The following MLLT10 variants were observed in gnomAD, a reference collection of about 807,000 sequenced individuals.
MLLT10 encodes the protein MLLT10 histone lysine methyltransferase DOT1L cofactor, also known as protein AF-10.
MLLT10 carries 30 observed loss-of-function variants against 129.1 expected under a neutral mutation model. That is an observed-to-expected ratio of 0.23 (90% CI 0.17 to 0.32). The LOEUF (loss-of-function observed/expected upper bound fraction) is 0.32, where lower values mean the gene tolerates loss of function less well. Ranked by LOEUF, MLLT10 falls within the 10% of genes least tolerant of loss-of-function variation. MLLT10 has a pLI of 1.00. For missense variants in MLLT10, 1,119 were observed against 1,268.3 expected (o/e 0.88, Z 1.79); for synonymous variants, 490 against 446.4 (o/e 1.10, Z -1.23).
At chr10:21,717,217 C>T (rs575910630) in intron 14 of MLLT10, among the ~76,000 whole-genome samples, 64 of 136,542 alleles carry the variant, frequency 4.7e-4, no homozygotes, top group African/African-American at 1.3e-3. Flanking sequence ...CACGCCATTG[C>T]GCTCCAGCCT....
At chr10:21,657,576 A>AT (rs370418760) in intron 9 of MLLT10, among the ~76,000 whole-genome samples, 25 of 152,246 alleles carry the variant, frequency 1.6e-4, no homozygotes, top group Non-Finnish European at 2.8e-4. Flanking sequence ...ATTACCTTTC[A>AT]TTATTATTAG....
chr10:21,740,276 C>T (rs1473406341), intron 22 of MLLT10, 40 bp downstream of exon 22: 2 of 1,588,900 alleles, frequency 1.3e-6, no homozygotes, highest in Non-Finnish European at 1.7e-6. Flanking sequence ...GAAACAAGAA[C>T]TGTATTGATT....
chr10:21,685,734 G>A (rs955898875), intron 13 of MLLT10, among the ~76,000 whole-genome samples: 4 of 152,130 alleles, frequency 2.6e-5, no homozygotes, highest in Non-Finnish European at 5.9e-5. Flanking sequence ...CTTTAGCAAA[G>A]AACCAAGTTA....
At chr10:21,633,507 C>T (rs572131359) in intron 8 of MLLT10, among the ~76,000 whole-genome samples, 1 of 151,840 alleles carries the variant, frequency 6.6e-6, no homozygotes, top group African/African-American at 2.4e-5. Context: ...GCCTGGGCAA[C>T]ATGGCAAGAA....
At chr10:21,613,170 G>A (rs1183729369) in intron 6 of MLLT10, among the ~76,000 whole-genome samples, 1 of 132,348 alleles carries the variant, frequency 7.6e-6, no homozygotes, top group Non-Finnish European at 1.5e-5. Flanking sequence ...CTCCAGCCTG[G>A]CGACAAACCA....
rs1232894779 is a variant in MLLT10 at position 21,742,023 on chromosome 10, T to C, written c.*40T>C. 1 of 1,596,894 alleles carries C rather than the reference T, an allele frequency of 6.3e-7. No homozygotes were observed. Among genetic ancestry groups the C allele is most frequent in the South Asian group, 1.1e-5 (1 of 89,004 alleles). On this transcript the variant is annotated 3_prime_UTR_variant, in exon 23 of 23. Coordinates refer to ENST00000307729, the MANE Select transcript of MLLT10 (RefSeq NM_001195626.3). Reference sequence around the variant, plus strand: ...CTAGAAATTGCCTATCCTGCTGTTCTAGCACTTCATCTGGCTGCCTTTGCA... The same window carrying C: ...CTAGAAATTGCCTATCCTGCTGTTCCAGCACTTCATCTGGCTGCCTTTGCA...
intron 3 of MLLT10, among the ~76,000 whole-genome samples, chr10:21,561,995 G>A (rs1413787017): frequency 2.0e-5 from 3 of 151,854 alleles, no homozygotes; most frequent in Admixed American, 6.6e-5. Flanking sequence ...TAGTAGAGAC[G>A]GGGTTTCTCC....
At chr10:21,622,440 C>G (rs960692035) in intron 8 of MLLT10, among the ~76,000 whole-genome samples, 3 of 151,734 alleles carry the variant, frequency 2.0e-5, no homozygotes, top group Admixed American at 6.6e-5. Context: ...GCTGGGATTA[C>G]AGGCGTTAGC....
intron 8 of MLLT10, among the ~76,000 whole-genome samples, chr10:21,647,025 T>G (rs2048564457): frequency 6.6e-6 from 1 of 152,058 alleles, no homozygotes. Context: ...CCGACTAATC[T>G]TTTGTATTTT....
At chr10:21,595,478 C>T in intron 5 of MLLT10, 38 bp downstream of exon 5, 1 of 1,469,626 alleles carries the variant, frequency 6.8e-7, no homozygotes, top group Non-Finnish European at 9.4e-7. Flanking sequence ...TTGAATATCA[C>T]TACTGGGAAG....
intron 8 of MLLT10, among the ~76,000 whole-genome samples, chr10:21,645,980 A>G (rs1368518511): frequency 6.6e-6 from 1 of 152,172 alleles, no homozygotes; most frequent in Non-Finnish European, 1.5e-5. Context: ...CGAGGCAGGC[A>G]GATCACTTGA....
At chr10:21,539,356 T>C (rs1250276409) in intron 3 of MLLT10, among the ~76,000 whole-genome samples, 1 of 152,136 alleles carries the variant, frequency 6.6e-6, no homozygotes, top group East Asian at 1.9e-4. Flanking sequence ...ATAGTTTAAC[T>C]TCGAACACTC....
rs150803413 is a variant in MLLT10 at position 21,673,524 on chromosome 10, G to T, written c.1226G>T (p.Gly409Val). 339 of 1,613,538 alleles carry T rather than the reference G, an allele frequency of 2.1e-4. No homozygotes were observed. Among genetic ancestry groups the T allele is most frequent in the Admixed American group, 7.5e-4 (45 of 59,884 alleles). Residue 409 changes from glycine (G) to valine (V), a missense_variant, in exon 11 of 23, where the codon GGG (glycine) becomes GTG (valine). Coordinates refer to ENST00000307729, the MANE Select transcript of MLLT10 (RefSeq NM_001195626.3). ...VHKGESGSQE[G>V]GVNSFSTLIG... ...AAAGGAGAGTCTGGAAGCCAGGAAG[G>T]GGGGGTAAATAGTTTTAGTACCTTA... is the stretch of plus-strand genomic sequence containing the variant.
chr10:21,543,387 C>T (rs543394576), intron 3 of MLLT10, among the ~76,000 whole-genome samples: 2 of 152,320 alleles, frequency 1.3e-5, no homozygotes, highest in South Asian at 2.1e-4. Flanking sequence ...TCCCAAAGTG[C>T]TGGGTTTACA....
intron 5 of MLLT10, among the ~76,000 whole-genome samples, chr10:21,606,494 C>T (rs2044084037): frequency 6.6e-6 from 1 of 152,122 alleles, no homozygotes; most frequent in African/African-American, 2.4e-5. Context: ...TTCTGGGTAC[C>T]ATTAAGAACA....
chr10:21,550,159 T>C (rs2036771947), intron 3 of MLLT10, among the ~76,000 whole-genome samples: 1 of 152,214 alleles, frequency 6.6e-6, no homozygotes, highest in African/African-American at 2.4e-5. Context: ...ATGGGGTTCA[T>C]TGCTCCAGGC....
chr10:21,696,912 T>G (rs1408000211), intron 13 of MLLT10, among the ~76,000 whole-genome samples: 1 of 152,060 alleles, frequency 6.6e-6, no homozygotes, highest in Non-Finnish European at 1.5e-5. Flanking sequence ...CATGGCACTC[T>G]TCTGCTTAAA....
At chr10:21,681,711 A>G (rs1036492366) in intron 12 of MLLT10, among the ~76,000 whole-genome samples, 1 of 151,938 alleles carries the variant, frequency 6.6e-6, no homozygotes, top group African/African-American at 2.4e-5. Context: ...CAATATTTGT[A>G]TATTTGCACT....
chr10:21,705,488 AC>A (rs1267658695), intron 13 of MLLT10, among the ~76,000 whole-genome samples: 2 of 152,152 alleles, frequency 1.3e-5, no homozygotes, highest in Admixed American at 1.3e-4. Context: ...TCCCTAAGTC[AC>A]CAGCAGAATG....
Sources: allele counts gnomAD v4.1 joint callset (sites outside exome capture counted in the v4.1 genomes callset), GRCh38; gene constraint gnomAD v4.1.1; transcripts MANE v1.5; gene names NCBI Gene and HGNC (gene_info 2026-07-23, HGNC 2026-07-21).